CLEC12A: variants seen among roughly 807,000 people sequenced by gnomAD.
CLEC12A encodes C-type lectin domain family 12 member A, also known as C-type lectin protein CLL-1.
Under a neutral mutation model 26.5 loss-of-function variants are expected in CLEC12A, and 22 were observed. The ratio of observed to expected loss-of-function variants is 0.83; its 90% CI spans 0.59 to 1.19. The LOEUF (loss-of-function observed/expected upper bound fraction) is 1.19. Among genes scored for constraint, CLEC12A ranks in the 50% most tolerant of loss-of-function variants. CLEC12A has a pLI of 0.00. For missense variants in CLEC12A, 353 were observed against 315.6 expected (o/e 1.12, Z -0.90); for synonymous variants, 119 against 101.9 (o/e 1.17, Z -1.01).
upstream of CLEC12A, among the ~76,000 whole-genome samples, chr12:9,967,880 C>G (rs541411703): frequency 6.6e-5 from 10 of 152,280 alleles, no homozygotes; most frequent in African/African-American, 2.4e-4. Flanking sequence ...ACCTCTGAAA[C>G]ATGGGTGAAT....
At chr12:9,981,998 A>T (rs755709434) in intron 4 of CLEC12A, 22 bp from the exon 5 acceptor site, 5 of 1,185,256 alleles carry the variant, frequency 4.2e-6, no homozygotes, top group Non-Finnish European at 6.2e-6. Flanking sequence ...TTTCTTAAAC[A>T]GACTATCTGT....
At chr12:9,969,661 A>T (rs1414369213), upstream of CLEC12A, among the ~76,000 whole-genome samples, 8 of 152,222 alleles carry the variant, frequency 5.3e-5, no homozygotes, top group Admixed American at 3.3e-4. Flanking sequence ...CAGCAGAGCA[A>T]TAGAACACAG....
chr12:9,965,820 G>A (rs910902782), intron 1 of CLEC12A, among the ~76,000 whole-genome samples: 1 of 152,092 alleles, frequency 6.6e-6, no homozygotes, highest in Non-Finnish European at 1.5e-5. Flanking sequence ...TAGGATATTG[G>A]CATTGAGCGG....
downstream of CLEC12A, among the ~76,000 whole-genome samples, chr12:9,986,530 G>C (rs952808568): frequency 2.6e-5 from 4 of 151,978 alleles, no homozygotes; most frequent in African/African-American, 9.7e-5. Context: ...GGCAGCAAGG[G>C]TTGGGTATGG....
chr12:9,978,050 T>G (rs577785267), intron 1 of CLEC12A, among the ~76,000 whole-genome samples: 4 of 152,276 alleles, frequency 2.6e-5, no homozygotes, highest in Admixed American at 2.6e-4. Context: ...TAAGTTAAGT[T>G]TTACTATTTA....
chr12:9,971,610 T>C lies in CLEC12A; in HGVS notation c.14T>C (p.Val5Ala). Reference sequence around the variant, plus strand: ...ACATATTCATCAATGTCTGAAGAAGTTACTTATGCAGATCTTCAATTCCAG... The same window carrying C: ...ACATATTCATCAATGTCTGAAGAAGCTACTTATGCAGATCTTCAATTCCAG... MSEE[V>A]TYADLQFQNS... Residue 5 changes from valine (V) to alanine (A), a missense_variant, in exon 1 of 6, where the codon GTT becomes GCT. Val to Ala is a moderately conservative substitution (Grantham distance 64). Coordinates refer to ENST00000304361, the MANE Select transcript of CLEC12A (RefSeq NM_138337.6). The C allele has an allele frequency of 1.2e-6, 2 of 1,606,306 alleles. No homozygotes were observed. Among genetic ancestry groups the C allele is most frequent in the South Asian group, 2.2e-5 (2 of 89,236 alleles).
chr12:9,962,554 G>A (rs1442212712), intron 1 of CLEC12A, among the ~76,000 whole-genome samples: 1 of 152,144 alleles, frequency 6.6e-6, no homozygotes, highest in Non-Finnish European at 1.5e-5. Flanking sequence ...AGGGAGATAG[G>A]GGTGGAGCTG....
chr12:9,970,565 G>C (rs1053065572), upstream of CLEC12A, among the ~76,000 whole-genome samples: 1 of 152,050 alleles, frequency 6.6e-6, no homozygotes, highest in Non-Finnish European at 1.5e-5. Context: ...TTGCATTCTT[G>C]ATCAAGAAGT....
chr12:9,997,254 T>G, downstream of CLEC12A: 1 of 1,612,442 alleles, frequency 6.2e-7, no homozygotes, highest in Non-Finnish European at 8.5e-7. Flanking sequence ...CATTCTCACC[T>G]TGTAGGTAAT....
At chr12:9,979,626 G>C in intron 3 of CLEC12A, 102 bp downstream of exon 3, 1 of 839,330 alleles carries the variant, frequency 1.2e-6, no homozygotes, top group Non-Finnish European at 1.8e-6. Flanking sequence ...TCTCTAGGGA[G>C]TCATAATTTG....
At chr12:9,972,463 C>A (rs558239765) in intron 1 of CLEC12A, among the ~76,000 whole-genome samples, 1 of 152,192 alleles carries the variant, frequency 6.6e-6, no homozygotes, top group Admixed American at 6.5e-5. Context: ...GGCTCCTAGC[C>A]TTTTGGGAGT....
chr12:9,980,733 G>A lies in CLEC12A; in HGVS notation c.531G>A (p.Leu177=), dbSNP rs1192129106. The A allele has an allele frequency of 6.2e-7, 1 of 1,613,168 alleles. No individual in the cohort carries two copies. Among genetic ancestry groups the A allele is most frequent in the Admixed American group, 1.7e-5 (1 of 59,864 alleles). Residue 177 remains leucine (L), a splice_region_variant and synonymous_variant, in exon 4 of 6, where the codon TTG becomes TTA. Transcript: ENST00000304361. ...TGAAGATAAACAACAAAAATGCATT[G>A]GTAAAGCCCAGGTGTTTCTACCATC... is the stretch of plus-strand genomic sequence containing the variant. The part of the protein sequence containing the change: ...SLLKINNKNA[L]EFIKSQSRSY...
At chr12:9,975,473 T>C (rs1465557490) in intron 1 of CLEC12A, among the ~76,000 whole-genome samples, 2 of 152,138 alleles carry the variant, frequency 1.3e-5, no homozygotes, top group Non-Finnish European at 2.9e-5. Context: ...GCCCTAGAAA[T>C]TTGTGGAACA....
At chr12:9,995,430 CTT>C in exon 5 of CLEC12A, 4 of 584,956 alleles carry the variant, frequency 6.8e-6, no homozygotes, top group Non-Finnish European at 1.3e-5. Flanking sequence ...TTAAAAAAAA[CTT>C]ATAGGACACA....
downstream of CLEC12A, among the ~76,000 whole-genome samples, chr12:9,987,243 A>C (rs1314330198): frequency 1.3e-5 from 2 of 152,124 alleles, no homozygotes; most frequent in African/African-American, 4.8e-5. Flanking sequence ...ATTTTCTCCT[A>C]ATATCCCCAG....
chr12:9,964,662 G>T (rs148527977), intron 1 of CLEC12A, among the ~76,000 whole-genome samples: 199 of 152,190 alleles, frequency 1.3e-3, no homozygotes, highest in African/African-American at 4.0e-3. Context: ...CTATGAGGAG[G>T]AGTAGAATAG....
upstream of CLEC12A, among the ~76,000 whole-genome samples, chr12:9,968,097 A>G (rs2137125334): frequency 6.6e-6 from 1 of 152,286 alleles, no homozygotes; most frequent in East Asian, 1.9e-4. Context: ...GAGGTTGGAG[A>G]AGAGAGTAAA....
intron 4 of CLEC12A, among the ~76,000 whole-genome samples, chr12:9,994,459 G>T (rs1864980993): frequency 1.3e-5 from 2 of 152,104 alleles, no homozygotes; most frequent in South Asian, 4.2e-4. Context: ...ATAAGTTTTG[G>T]TTATCAGTTT....
At chr12:9,984,693 G>A (rs1246122810) in intron 5 of CLEC12A, among the ~76,000 whole-genome samples, 177 bp from the exon 6 acceptor site, 1 of 152,184 alleles carries the variant, frequency 6.6e-6, no homozygotes, top group Admixed American at 6.5e-5. Flanking sequence ...CATTGCATAT[G>A]TGTTAACATA....
Sources: gnomAD v4.1 joint callset for allele counts (sites outside exome capture counted in the v4.1 genomes callset) on GRCh38, gnomAD v4.1.1 for gene constraint, MANE v1.5 for transcripts, NCBI Gene and HGNC (gene_info 2026-07-23, HGNC 2026-07-21) for gene names.